Variants in SHANK2 observed in about 807,000 individuals in gnomAD.
SHANK2 encodes SH3 and multiple ankyrin repeat domains 2.
In SHANK2, 43 loss-of-function variants were observed where a neutral mutation model predicts 133.7. That is an observed-to-expected ratio of 0.32 (90% CI 0.25 to 0.41). The LOEUF is 0.41. Ranked by LOEUF, SHANK2 falls within the 10% of genes least tolerant of loss-of-function variation. SHANK2 has a pLI of 1.00. For synonymous variants in SHANK2, 1,017 were observed against 952.8 expected (o/e 1.07, Z -1.24); for missense variants, 1,994 against 2,235.8 (o/e 0.89, Z 2.18).
intron 17 of SHANK2, among the ~76,000 whole-genome samples, chr11:70,515,795 G>C (rs1403418839): frequency 6.6e-6 from 1 of 152,118 alleles, no homozygotes; most frequent in Non-Finnish European, 1.5e-5. Context: ...CTGGGCAACA[G>C]AGCGAGACCT....
chr11:70,892,119 G>A (rs536039192), intron 11 of SHANK2, among the ~76,000 whole-genome samples: 6 of 152,220 alleles, frequency 3.9e-5, no homozygotes, highest in Admixed American at 2.6e-4. Context: ...AGGCAGCACC[G>A]TCACACCGTC....
chr11:70,817,800 T>C (rs1948431039), intron 12 of SHANK2, among the ~76,000 whole-genome samples: 1 of 152,190 alleles, frequency 6.6e-6, no homozygotes, highest in Admixed American at 6.5e-5. Context: ...AGTGGTGCCA[T>C]CTCAGCTCAC....
intron 14 of SHANK2, among the ~76,000 whole-genome samples, chr11:70,702,047 CCAT>C (rs1188075476): frequency 3.3e-5 from 5 of 151,258 alleles, no homozygotes; most frequent in East Asian, 1.9e-4. Context: ...ACCACCACCA[CCAT>C]CTTCTTCACC....
chr11:70,521,729 C>G (rs2059333194), intron 17 of SHANK2, among the ~76,000 whole-genome samples: 1 of 152,158 alleles, frequency 6.6e-6, no homozygotes, highest in African/African-American at 2.4e-5. Context: ...CATTCCCTCC[C>G]CACCTTCCTT....
At chr11:70,712,196 A>G (rs1163212375) in intron 14 of SHANK2, among the ~76,000 whole-genome samples, 1 of 152,286 alleles carries the variant, frequency 6.6e-6, no homozygotes, top group East Asian at 1.9e-4. Context: ...AAGCGGGACA[A>G]GTCCTTCCCC....
rs118071113 is a variant in SHANK2, at chr11:71,091,871, C to T, written c.912+551G>A. On this transcript the variant is annotated intron_variant, in intron 8 of 25. Coordinates refer to ENST00000601538, the MANE Select transcript of SHANK2 (RefSeq NM_012309.5). Reference sequence around the variant, plus strand: ...GGTCCTCAGCCTTTAACCCCGTCCACACCTCTACCTGATCAGGTAAAGACT... The same window carrying T: ...GGTCCTCAGCCTTTAACCCCGTCCATACCTCTACCTGATCAGGTAAAGACT... 1.9e-3 allele frequency among the ~76,000 whole-genome samples: 290 copies of T among 152,318 alleles called. 3 individuals carry two copies. Among genetic ancestry groups the T allele is most frequent in the Middle Eastern group, 6.8e-3 (2 of 294 alleles).
At chr11:71,155,674 A>AC (rs59096297) in intron 2 of SHANK2, among the ~76,000 whole-genome samples, 87,363 of 122,456 alleles carry the variant, frequency 0.71, 28,549 homozygotes, top group African/African-American at 0.83. Flanking sequence ...GCCCTGCCCC[A>AC]TACCCCTCAA....
chr11:70,490,238 C>G, intron 23 of SHANK2, 38 bp downstream of exon 23: 7 of 1,556,260 alleles, frequency 4.5e-6, no homozygotes, highest in Non-Finnish European at 6.2e-6. Context: ...TTTGAAAGCC[C>G]AGGGGCAACT....
chr11:70,709,682 ACT>A (rs1379369279), intron 14 of SHANK2, among the ~76,000 whole-genome samples: 10 of 152,102 alleles, frequency 6.6e-5, no homozygotes, highest in African/African-American at 2.4e-4. Context: ...TAGCGCACAC[ACT>A]CAGTGTTGGG....
chr11:70,713,569 T>C (rs1472093090), intron 14 of SHANK2, among the ~76,000 whole-genome samples: 2 of 152,198 alleles, frequency 1.3e-5, no homozygotes, highest in African/African-American at 4.8e-5. Flanking sequence ...CTCAGTTGCA[T>C]GTTCCACTGA....
chr11:71,146,084 C>G (rs1284124966), intron 3 of SHANK2, among the ~76,000 whole-genome samples: 2 of 152,190 alleles, frequency 1.3e-5, no homozygotes, highest in South Asian at 4.1e-4. Flanking sequence ...GCCACCCCCA[C>G]CCACATTCCC....
At chr11:70,906,642 T>C (rs1265622729) in intron 10 of SHANK2, among the ~76,000 whole-genome samples, 1 of 152,228 alleles carries the variant, frequency 6.6e-6, no homozygotes, top group Non-Finnish European at 1.5e-5. Context: ...GCACTTGGGA[T>C]GTCCCCGTCT....
chr11:70,647,195 A>G (rs1324392814), intron 17 of SHANK2: 4 of 152,162 alleles, frequency 2.6e-5, no homozygotes, highest in African/African-American at 9.7e-5. Context: ...GCACAAAGCA[A>G]TATCTTTTGG....
chr11:70,601,653 G>A (rs1591635032), intron 17 of SHANK2, among the ~76,000 whole-genome samples: 1 of 152,074 alleles, frequency 6.6e-6, no homozygotes, highest in Non-Finnish European at 1.5e-5. Context: ...CGCCCGGCCA[G>A]TAAAGAGAAT....
At chr11:70,733,925 G>A (rs1404967113) in intron 14 of SHANK2, among the ~76,000 whole-genome samples, 4 of 152,198 alleles carry the variant, frequency 2.6e-5, no homozygotes, top group Non-Finnish European at 5.9e-5. Flanking sequence ...GCCTTTGCTA[G>A]GCCCACCTCG....
At chr11:71,056,257 CCATTTGCT>C (rs1950918497) in intron 10 of SHANK2, among the ~76,000 whole-genome samples, 1 of 152,190 alleles carries the variant, frequency 6.6e-6, no homozygotes, top group Admixed American at 6.5e-5. Flanking sequence ...ATTATTTGTG[CCATTTGCT>C]CTAATAGGAA....
chr11:71,205,767 C>T (rs1490463757), intron 2 of SHANK2, among the ~76,000 whole-genome samples: 1 of 152,128 alleles, frequency 6.6e-6, no homozygotes, highest in Non-Finnish European at 1.5e-5. Flanking sequence ...GTTATTTATC[C>T]ACTTGTTGGT....
At chr11:70,771,144 C>T (rs782236991) in intron 14 of SHANK2, among the ~76,000 whole-genome samples, 8 of 152,098 alleles carry the variant, frequency 5.3e-5, no homozygotes, top group Non-Finnish European at 1.2e-4. Flanking sequence ...CCAGGCTGGT[C>T]TTGAACTCCT....
intron 11 of SHANK2, among the ~76,000 whole-genome samples, chr11:70,853,413 C>T (rs1203040276): frequency 3.9e-5 from 6 of 152,180 alleles, no homozygotes; most frequent in East Asian, 1.9e-4. Context: ...CTGAGTGCGT[C>T]GGCCATTGTC....
Sources: allele counts gnomAD v4.1 joint callset (sites outside exome capture counted in the v4.1 genomes callset), GRCh38; gene constraint gnomAD v4.1.1; transcripts MANE v1.5; gene names NCBI Gene and HGNC (gene_info 2026-07-23, HGNC 2026-07-21).